Variants in PCGF5 observed in about 807,000 individuals in gnomAD.
PCGF5 encodes polycomb group RING finger protein 5.
PCGF5 carries 9 observed loss-of-function variants against 44.3 expected under a neutral mutation model. The observed-to-expected ratio is 0.20, with a 90% CI of 0.12 to 0.35. The LOEUF is 0.35. Ranked by LOEUF, PCGF5 falls within the 10% of genes least tolerant of loss-of-function variation. PCGF5 has a pLI of 1.00. For synonymous variants in PCGF5, 95 were observed against 102.5 expected (o/e 0.93, Z 0.44); for missense variants, 146 against 305.3 (o/e 0.48, Z 3.89).
chr10:91,242,699 G>A (rs1330148525), intron 3 of PCGF5, among the ~76,000 whole-genome samples: 2 of 152,040 alleles, frequency 1.3e-5, no homozygotes, highest in Non-Finnish European at 2.9e-5. Flanking sequence ...TCTTAGTAAC[G>A]TTTTATCTCG....
upstream of PCGF5, among the ~76,000 whole-genome samples, chr10:91,218,702 G>A (rs1393207553): frequency 4.6e-5 from 7 of 151,826 alleles, no homozygotes; most frequent in East Asian, 1.9e-4. Flanking sequence ...GTGCGATCTC[G>A]GCTCACTGCA....
At chr10:91,181,460 T>G (rs966661195) in intron 1 of PCGF5, among the ~76,000 whole-genome samples, 1 of 152,242 alleles carries the variant, frequency 6.6e-6, no homozygotes, top group Non-Finnish European at 1.5e-5. Context: ...GCTTCCATCT[T>G]TTGCTCATTC....
At chr10:91,222,620 T>G (rs1485125368) in intron 1 of PCGF5, 69 bp from the exon 2 acceptor site, 5 of 485,284 alleles carry the variant, frequency 1.0e-5, no homozygotes, top group Non-Finnish European at 1.8e-5. Flanking sequence ...GTTAATAGAA[T>G]GACATTAATA....
At chr10:91,240,331 A>T (rs1845289661) in intron 2 of PCGF5, among the ~76,000 whole-genome samples, 153 bp from the exon 3 acceptor site, 1 of 152,176 alleles carries the variant, frequency 6.6e-6, no homozygotes, top group Non-Finnish European at 1.5e-5. Context: ...GTGTTATTAC[A>T]GTGTTACAAT....
At chr10:91,227,662 T>C in intron 2 of PCGF5, 1 of 1,119,756 alleles carries the variant, frequency 8.9e-7, no homozygotes, top group Non-Finnish European at 1.1e-6. Flanking sequence ...TTTATCATTA[T>C]CACTCTTAAC....
intron 2 of PCGF5, among the ~76,000 whole-genome samples, chr10:91,238,875 C>T (rs1434591674): frequency 6.6e-6 from 1 of 151,904 alleles, no homozygotes; most frequent in Non-Finnish European, 1.5e-5. Context: ...GCTTTTATAT[C>T]TAAGCTTTTT....
intron 1 of PCGF5, among the ~76,000 whole-genome samples, chr10:91,186,169 A>G (rs766044224): frequency 2.0e-4 from 31 of 152,198 alleles, no homozygotes; most frequent in Non-Finnish European, 3.7e-4. Flanking sequence ...TACTTTTAAC[A>G]TTACCTCTTG....
intron 6 of PCGF5, among the ~76,000 whole-genome samples, chr10:91,258,328 T>C (rs1482400436): frequency 1.3e-5 from 2 of 152,138 alleles, no homozygotes; most frequent in African/African-American, 4.8e-5. Context: ...TCTTGACAGA[T>C]GAAAAATACA....
At chr10:91,204,682 C>T (rs1374597989) in intron 1 of PCGF5, among the ~76,000 whole-genome samples, 1 of 152,160 alleles carries the variant, frequency 6.6e-6, no homozygotes, top group African/African-American at 2.4e-5. Flanking sequence ...AATAGTTGTA[C>T]ATAACAAAAG....
At chr10:91,175,127 A>G (rs1417431929) in intron 1 of PCGF5, among the ~76,000 whole-genome samples, 1 of 152,180 alleles carries the variant, frequency 6.6e-6, no homozygotes, top group Non-Finnish European at 1.5e-5. Context: ...TAGGTGGAAA[A>G]TCTGTAAGGG....
At chr10:91,254,173 TTC>T (rs200105407) in intron 6 of PCGF5, among the ~76,000 whole-genome samples, 13 of 150,828 alleles carry the variant, frequency 8.6e-5, no homozygotes, top group Non-Finnish European at 1.5e-4. Flanking sequence ...TATGTGTTCG[TTC>T]TCTCTCTCTG....
At chr10:91,189,419 C>G (rs1184772638) in intron 1 of PCGF5, among the ~76,000 whole-genome samples, 3 of 152,152 alleles carry the variant, frequency 2.0e-5, no homozygotes, top group African/African-American at 7.2e-5. Context: ...AGTAGACACA[C>G]ATAATAATAT....
chr10:91,257,497 G>T (rs748368607), intron 6 of PCGF5, among the ~76,000 whole-genome samples: 1 of 151,446 alleles, frequency 6.6e-6, no homozygotes, highest in Non-Finnish European at 1.5e-5. Flanking sequence ...ACCCCCAGGG[G>T]ATGTTGCAAC....
intron 1 of PCGF5, among the ~76,000 whole-genome samples, chr10:91,165,085 G>A (rs1843476172): frequency 6.6e-6 from 1 of 152,160 alleles, no homozygotes; most frequent in Non-Finnish European, 1.5e-5. Context: ...TTGAAATTCA[G>A]TGCTTTTTTT....
chr10:91,275,353 G>A (rs1047394480), intron 9 of PCGF5, among the ~76,000 whole-genome samples: 2 of 151,980 alleles, frequency 1.3e-5, no homozygotes, highest in East Asian at 1.9e-4. Context: ...AAATTAAGAG[G>A]TGGGGAAAGA....
At chr10:91,188,408 A>C (rs1843965992) in intron 1 of PCGF5, among the ~76,000 whole-genome samples, 1 of 152,230 alleles carries the variant, frequency 6.6e-6, no homozygotes, top group African/African-American at 2.4e-5. Flanking sequence ...TATTATTATT[A>C]CAATGAAGAC....
intron 1 of PCGF5, among the ~76,000 whole-genome samples, chr10:91,180,462 T>C (rs1843798353): frequency 1.3e-5 from 2 of 152,218 alleles, no homozygotes; most frequent in African/African-American, 4.8e-5. Context: ...AGGGTTTTTA[T>C]ATTTTTTTGT....
intron 1 of PCGF5, among the ~76,000 whole-genome samples, chr10:91,214,811 T>C (rs1360175795): frequency 1.3e-5 from 2 of 152,148 alleles, no homozygotes; most frequent in Admixed American, 6.5e-5. Context: ...CAGAGAAAGG[T>C]TGATTAAACT....
intron 1 of PCGF5, among the ~76,000 whole-genome samples, chr10:91,211,621 C>T (rs1844453573): frequency 6.6e-6 from 1 of 152,066 alleles, no homozygotes; most frequent in Non-Finnish European, 1.5e-5. Flanking sequence ...AGAGAGATTC[C>T]TATGAGGTAG....
Sources: allele counts gnomAD v4.1 joint callset (sites outside exome capture counted in the v4.1 genomes callset), GRCh38; gene constraint gnomAD v4.1.1; transcripts MANE v1.5; gene names NCBI Gene and HGNC (gene_info 2026-07-23, HGNC 2026-07-21).